UXS1: variants seen among roughly 807,000 people sequenced by gnomAD.
The protein encoded by UXS1 is UDP-glucuronate decarboxylase 1, also known as UDP-glucuronic acid decarboxylase 1.
UXS1 carries 33 observed loss-of-function variants against 62.6 expected under a neutral mutation model. That is an observed-to-expected ratio of 0.53 (90% CI 0.40 to 0.70). The LOEUF (loss-of-function observed/expected upper bound fraction) is 0.70. Ranked by LOEUF, UXS1 falls within the 30% of genes least tolerant of loss-of-function variation. The probability of loss-of-function intolerance (pLI) is 0.00; values close to 1 mark genes in which losing one functional copy is unlikely to be tolerated. For synonymous variants in UXS1, 213 were observed against 206.8 expected (o/e 1.03, Z -0.26); for missense variants, 434 against 556.3 (o/e 0.78, Z 2.21).
At chr2:106,094,186 A>G (rs367574318) in intron 14 of UXS1, 29 bp from the exon 15 acceptor site, 19 of 1,434,454 alleles carry the variant, frequency 1.3e-5, no homozygotes, top group Non-Finnish European at 4.6e-6. Flanking sequence ...AGAAAGGGAG[A>G]CAAGGTCACA....
At chr2:106,171,873 C>T (rs72947326) in intron 1 of UXS1, among the ~76,000 whole-genome samples, 2,326 of 152,336 alleles carry the variant, frequency 0.015, 65 homozygotes, top group African/African-American at 0.053. Flanking sequence ...GCTCTCCTAC[C>T]CTACGTTATC....
chr2:106,144,717 ATCT>A (rs1681416869), intron 6 of UXS1, among the ~76,000 whole-genome samples: 1 of 152,162 alleles, frequency 6.6e-6, no homozygotes, highest in Non-Finnish European at 1.5e-5. Context: ...TCATATATGC[ATCT>A]TCTCGCCACG....
intron 10 of UXS1, among the ~76,000 whole-genome samples, chr2:106,110,570 G>A (rs189202257): frequency 6.6e-6 from 1 of 152,130 alleles, no homozygotes; most frequent in Non-Finnish European, 1.5e-5. Context: ...GCAGGTCACG[G>A]CACGAGCTCC....
At position 106,129,756 on chromosome 2, in the gene UXS1, T is replaced by C. The variant is rs764849768; in HGVS notation, c.495A>G (p.Ala165=). Residue 165 remains alanine, a synonymous_variant, in exon 7 of 15, where the codon GCA becomes GCG. Coordinates refer to ENST00000283148, the MANE Select transcript of UXS1 (RefSeq NM_001253875.2). ...YIEVDQIYHL[A]SPASPPNYMY... Reference sequence around the variant, plus strand: ...TGTAGTTTGGAGGGGAGGCTGGAGATGCCAGATGGTATATCTGGTCAACTA... The same window carrying C: ...TGTAGTTTGGAGGGGAGGCTGGAGACGCCAGATGGTATATCTGGTCAACTA... 2 of 1,609,738 alleles carry C rather than the reference T, an allele frequency of 1.2e-6. No individual in the cohort carries two copies. Among genetic ancestry groups the C allele is most frequent in the African/African-American group, 1.3e-5 (1 of 75,002 alleles).
chr2:106,103,632 C>T (rs1046854202), intron 11 of UXS1, among the ~76,000 whole-genome samples: 3 of 152,160 alleles, frequency 2.0e-5, no homozygotes, highest in African/African-American at 4.8e-5. Flanking sequence ...CCTGTTAAAT[C>T]GCTTTTTAGA....
intron 14 of UXS1, among the ~76,000 whole-genome samples, chr2:106,096,125 C>T (rs1483082545): frequency 1.3e-5 from 2 of 152,190 alleles, no homozygotes; most frequent in Non-Finnish European, 2.9e-5. Flanking sequence ...GCAACTGGGG[C>T]TACGCAGGGC....
chr2:106,147,768 T>C (rs1681687553), intron 5 of UXS1, among the ~76,000 whole-genome samples: 1 of 152,206 alleles, frequency 6.6e-6, no homozygotes, highest in Non-Finnish European at 1.5e-5. Context: ...CGGGCACACT[T>C]ACTCAAGGCT....
At chr2:106,156,567 G>A (rs557869632) in intron 5 of UXS1, among the ~76,000 whole-genome samples, 3 of 152,202 alleles carry the variant, frequency 2.0e-5, no homozygotes, top group Middle Eastern at 3.4e-3. Flanking sequence ...TTCCAGGACC[G>A]CACCCCACCC....
chr2:106,137,987 T>C (rs1368446420), intron 6 of UXS1, among the ~76,000 whole-genome samples: 1 of 151,878 alleles, frequency 6.6e-6, no homozygotes, highest in Non-Finnish European at 1.5e-5. Flanking sequence ...TCAAAGAGAG[T>C]ATAAACAACT....
At chr2:106,147,222 T>A (rs976050575) in intron 5 of UXS1, among the ~76,000 whole-genome samples, 2 of 152,090 alleles carry the variant, frequency 1.3e-5, no homozygotes, top group African/African-American at 4.8e-5. Context: ...CCTGAAAAGC[T>A]GAGTTCCCAG....
At position 106,194,274 on chromosome 2, in the gene UXS1, G is replaced by A. The variant is rs562278995; in HGVS notation, c.-33C>T. The A allele has an allele frequency of 2.4e-6, 3 of 1,235,460 alleles. No individual in the cohort carries two copies. Among genetic ancestry groups the A allele is most frequent in the Non-Finnish European group, 3.1e-6 (3 of 972,314 alleles). 76.5% of individuals were successfully genotyped at this position (1,235,460 alleles called of 1,614,324 possible). A position where few individuals can be genotyped will look rare whatever the true frequency, so the allele number is the denominator to read the frequency against. On this transcript the variant is annotated 5_prime_UTR_variant, in exon 1 of 15. Coordinates refer to ENST00000283148, the MANE Select transcript of UXS1 (RefSeq NM_001253875.2). ...AGCCGCGCGGGTCCAGGGCCCTACC[G>A]CGCGGGGGCCCGCCTGCTGCACAAT...
At chr2:106,129,642 A>C (rs780226588) in intron 7 of UXS1, 32 bp downstream of exon 7, 1 of 1,530,658 alleles carries the variant, frequency 6.5e-7, no homozygotes, top group South Asian at 1.2e-5. Flanking sequence ...ATTCCCAGCA[A>C]CAGCCAAAAA....
chr2:106,102,120 C>G (rs750206936), intron 11 of UXS1: 1 of 152,146 alleles, frequency 6.6e-6, no homozygotes, highest in Non-Finnish European at 1.5e-5. Flanking sequence ...ACGACAAATG[C>G]GTATTTCATA....
intron 4 of UXS1, among the ~76,000 whole-genome samples, chr2:106,161,379 T>C (rs1682887276): frequency 6.6e-6 from 1 of 152,156 alleles, no homozygotes. Context: ...GTGCTGGTAT[T>C]ACACCGTGCC....
chr2:106,099,655 G>C (rs1677421879), intron 12 of UXS1, among the ~76,000 whole-genome samples: 1 of 152,160 alleles, frequency 6.6e-6, no homozygotes, highest in Non-Finnish European at 1.5e-5. Context: ...GAGGAACATG[G>C]TATCTACAGA....
chr2:106,112,936 C>T (rs1035761601), intron 9 of UXS1, among the ~76,000 whole-genome samples, 171 bp from the exon 10 acceptor site: 3 of 152,038 alleles, frequency 2.0e-5, no homozygotes, highest in Admixed American at 1.3e-4. Context: ...ATAGACCAAT[C>T]GGGAGACTAC....
intron 10 of UXS1, among the ~76,000 whole-genome samples, chr2:106,108,720 G>A (rs1358637941): frequency 2.6e-5 from 4 of 152,166 alleles, no homozygotes; most frequent in Non-Finnish European, 5.9e-5. Flanking sequence ...TAACCAACAG[G>A]GGAGAGGACC....
chr2:106,109,041 G>A (rs1678352766), intron 10 of UXS1, among the ~76,000 whole-genome samples: 1 of 152,074 alleles, frequency 6.6e-6, no homozygotes, highest in Non-Finnish European at 1.5e-5. Context: ...CAAGAATCCT[G>A]TTAGGTTGGT....
intron 5 of UXS1, among the ~76,000 whole-genome samples, chr2:106,157,310 A>C (rs1359399976): frequency 4.6e-5 from 7 of 152,198 alleles, no homozygotes; most frequent in Non-Finnish European, 1.5e-5. Context: ...TTTTGGACAT[A>C]ATTTGTTACC....
Sources: gnomAD v4.1 joint callset for allele counts (sites outside exome capture counted in the v4.1 genomes callset) on GRCh38, gnomAD v4.1.1 for gene constraint, MANE v1.5 for transcripts, NCBI Gene and HGNC (gene_info 2026-07-23, HGNC 2026-07-21) for gene names.